NOTUM: variants seen among roughly 807,000 people sequenced by gnomAD.
NOTUM encodes the protein palmitoleoyl-protein carboxylesterase NOTUM.
NOTUM carries 36 observed loss-of-function variants against 65.5 expected under a neutral mutation model. The observed-to-expected ratio is 0.55, with a 90% CI of 0.42 to 0.73. The LOEUF (loss-of-function observed/expected upper bound fraction) is 0.73, where lower values mean the gene tolerates loss of function less well. NOTUM is among the 30% of genes least tolerant of loss of function. The pLI is 0.00. For synonymous variants in NOTUM, 356 were observed against 297.9 expected (o/e 1.20, Z -2.01); for missense variants, 659 against 694.2 (o/e 0.95, Z 0.57).
Position 81,955,460 on chromosome 17 carries a change from T to G in NOTUM, c.1073A>C (p.Glu358Ala), listed in dbSNP as rs201140969. The change falls in exon 9 of 11, where the codon GAG becomes GCG. Residue 358 changes from glutamate (E) to alanine (A), a missense_variant. Transcript: ENST00000409678. ...NVHLTGQPVQ[E>A]GLRLYIQNLG... is the part of the protein sequence containing the mutation. ...GTTCTGGATGTACAGCCGCAGGCCC[T>G]CCTGCACCGGCTGCCCCGTCAGGTG... The G allele has an allele frequency of 1.3e-5, 21 of 1,608,114 alleles. No homozygotes were observed. In the East Asian group the frequency reaches 3.4e-4, roughly 26 times the overall value.
At position 81,955,343 on chromosome 17, in the gene NOTUM, T is replaced by G. The variant is rs972532571; in HGVS notation, c.1136+54A>C. The G allele has an allele frequency of 4.8e-6, 7 of 1,460,802 alleles. No individual in the cohort carries two copies. In the African/African-American group the frequency reaches 8.6e-5, roughly 18 times the overall value. 90.5% of individuals were successfully genotyped at this position (1,460,802 alleles called of 1,614,324 possible). A position where few individuals can be genotyped will look rare whatever the true frequency, so the allele number is the denominator to read the frequency against. On this transcript the variant is annotated intron_variant, in intron 9 of 10. Transcript: ENST00000409678. ...CTTTTGTTTTCTCAGGACCTCTATT[T>G]TTAAATAAGGAGGGAGCTACCCGGC...
Position 81,957,814 on chromosome 17 carries a change from G to C in NOTUM, c.687C>G (p.Ala229=), listed in dbSNP as rs745986713. 3.7e-6 allele frequency: 6 copies of C among 1,601,868 alleles called. No homozygotes were observed. Among genetic ancestry groups the C allele is most frequent in the Non-Finnish European group, 5.1e-6 (6 of 1,174,654 alleles). ...TGCCCCGCCCTGCCCACCTGCTCCC[G>C]GCCAGCAGCAGCACCTTGGCCCCGC... ...GLSGAKVLLL[A]GSSAGGTGVL... The change falls in exon 6 of 11, where the codon GCC becomes GCG. Residue 229 remains alanine (A), a synonymous_variant. Coordinates refer to ENST00000409678, the MANE Select transcript of NOTUM (RefSeq NM_178493.6).
chr17:81,953,929 C>T (rs1214008882), intron 10 of NOTUM, among the ~76,000 whole-genome samples: 2 of 151,978 alleles, frequency 1.3e-5, no homozygotes, highest in Non-Finnish European at 2.9e-5. Context: ...TACAGGCACC[C>T]GCCACCACGC....
chr17:81,953,330 G>GTTT, intron 10 of NOTUM, 63 bp from the exon 11 acceptor site: 14 of 858,640 alleles, frequency 1.6e-5, no homozygotes, highest in Non-Finnish European at 2.0e-5. Flanking sequence ...TGAGGCAGCT[G>GTTT]TTTTTTTTTT....
chr17:81,957,591 G>A (rs1287952590), intron 6 of NOTUM, among the ~76,000 whole-genome samples: 8 of 152,070 alleles, frequency 5.3e-5, no homozygotes, highest in Admixed American at 4.6e-4. Context: ...TCTGGACAGT[G>A]TCTGGTTACC....
chr17:81,957,779 C>T (rs778741897), intron 6 of NOTUM, 27 bp downstream of exon 6: 10 of 1,534,574 alleles, frequency 6.5e-6, no homozygotes, highest in South Asian at 4.7e-5. Flanking sequence ...TCACCCCTCA[C>T]CTCCAGCCCT....
Position 81,955,466 on chromosome 17 carries a change from A to G in NOTUM, c.1067T>C (p.Val356Ala). 1.2e-6 allele frequency: 2 copies of G among 1,609,492 alleles called. No individual in the cohort carries two copies. Among genetic ancestry groups the G allele is most frequent in the Non-Finnish European group, 1.7e-6 (2 of 1,178,768 alleles). ...VDNVHLTGQP[V>A]QEGLRLYIQN... is the part of the protein sequence containing the mutation. Reference sequence around the variant, plus strand: ...GATGTACAGCCGCAGGCCCTCCTGCACCGGCTGCCCCGTCAGGTGCACGTT... The same window carrying G: ...GATGTACAGCCGCAGGCCCTCCTGCGCCGGCTGCCCCGTCAGGTGCACGTT... The change falls in exon 9 of 11, where the codon GTG becomes GCG. Residue 356 changes from valine (V) to alanine (A), a missense_variant. By Grantham distance (64) the Val-to-Ala change is moderately conservative. Coordinates refer to ENST00000409678, the MANE Select transcript of NOTUM (RefSeq NM_178493.6).
chr17:81,957,290 A>T (rs2041440683), intron 6 of NOTUM, among the ~76,000 whole-genome samples: 1 of 152,130 alleles, frequency 6.6e-6, no homozygotes, highest in African/African-American at 2.4e-5. Flanking sequence ...TTTCCCTGAC[A>T]CAGCCAGGCT....
Position 81,955,428 on chromosome 17 carries a change from G to A in NOTUM, c.1105C>T (p.Arg369Cys), listed in dbSNP as rs764724816. Residue 369 changes from arginine to cysteine, a missense_variant, in exon 9 of 11, where the codon CGC becomes TGC. By Grantham distance (180) the Arg-to-Cys change is radical. Transcript: ENST00000409678. ...TCCTTGAGTGTGTGGCGCAGCTCGC[G>A]GCCGAGGTTCTGGATGTACAGCCGC... Reference protein sequence around the residue: ...GLRLYIQNLGRELRHTLKDVP... With the variant: ...GLRLYIQNLGCELRHTLKDVP... The A allele has an allele frequency of 5.6e-6, 9 of 1,595,586 alleles. No homozygotes were observed. The highest frequency in any genetic ancestry group is 2.7e-5 in the African/African-American group (2 of 74,442).
rs991721728 is a variant in NOTUM, at chr17:81,960,479, C to T, written c.323+108G>A. On this transcript the variant is annotated intron_variant, in intron 1 of 10. Coordinates refer to ENST00000409678, the MANE Select transcript of NOTUM (RefSeq NM_178493.6). The surrounding 1 kb of genome is among the most constrained non-coding windows in gnomAD (Gnocchi z 6.4). ...GGGGCCAGGACCGCGGGGCGCCCGA[C>T]GGAAGCCCTTTCTCCCCGGGGAGAG... 5.4e-5 allele frequency: 42 copies of T among 773,952 alleles called. No homozygotes were observed. Among genetic ancestry groups the T allele is most frequent in the Non-Finnish European group, 8.1e-5 (42 of 518,326 alleles). The allele number at this position is 773,952 out of a possible 1,614,324, so 47.9% of individuals were successfully genotyped here.
At position 81,959,703 on chromosome 17, in the gene NOTUM, G is replaced by C; in HGVS notation, c.324-11C>G. On this transcript the variant is annotated splice_polypyrimidine_tract_variant and intron_variant, in intron 1 of 10. Transcript: ENST00000409678. ...TCCTTCAGGTAGTAGCTGCGGGGGA[G>C]GACGCACCGCGGGGGGTCGGCCAGG... 1 of 1,465,690 alleles carries C rather than the reference G, an allele frequency of 6.8e-7. No individual in the cohort carries two copies. Among genetic ancestry groups the C allele is most frequent in the Non-Finnish European group, 9.0e-7 (1 of 1,105,920 alleles). 90.8% of individuals were successfully genotyped at this position (1,465,690 alleles called of 1,614,324 possible).
chr17:81,953,615 G>GT (rs1212514916), intron 10 of NOTUM, among the ~76,000 whole-genome samples: 3 of 151,278 alleles, frequency 2.0e-5, no homozygotes, highest in Non-Finnish European at 4.4e-5. Flanking sequence ...GTTTTGTTTT[G>GT]TTTTTTGAGA....
chr17:81,952,870 G>T lies in NOTUM; in HGVS notation c.*91C>A. On this transcript the variant is annotated 3_prime_UTR_variant, in exon 11 of 11. Transcript: ENST00000409678. ...GACGGCTGGGGCCCTGTCCCGAAGA[G>T]ACGGGAGGGCCTGCTGGTGGGGGGT... 8.5e-7 allele frequency: 1 copy of T among 1,178,050 alleles called. No individual in the cohort carries two copies. Among genetic ancestry groups the T allele is most frequent in the Non-Finnish European group, 1.2e-6 (1 of 809,010 alleles). 73.0% of individuals were successfully genotyped at this position (1,178,050 alleles called of 1,614,324 possible).
At chr17:81,958,116 G>A (rs969474080) in intron 5 of NOTUM, among the ~76,000 whole-genome samples, 7 of 152,110 alleles carry the variant, frequency 4.6e-5, no homozygotes, top group African/African-American at 1.7e-4. Context: ...CAGAAATAAG[G>A]ACCTCCTACA....
chr17:81,960,470 G>A lies in NOTUM; in HGVS notation c.323+117C>T. 1 of 701,520 alleles carries A rather than the reference G, an allele frequency of 1.4e-6. No homozygotes were observed. Among genetic ancestry groups the A allele is most frequent in the South Asian group, 2.2e-5 (1 of 45,004 alleles). 43.5% of individuals were successfully genotyped at this position (701,520 alleles called of 1,614,324 possible). A position where few individuals can be genotyped will look rare whatever the true frequency, so the allele number is the denominator to read the frequency against. ...GCACTCCTCGGGGCCAGGACCGCGG[G>A]GCGCCCGACGGAAGCCCTTTCTCCC... is the stretch of plus-strand genomic sequence containing the variant. On this transcript the variant is annotated intron_variant, in intron 1 of 10. Transcript: ENST00000409678. The surrounding 1 kb of genome is among the most constrained non-coding windows in gnomAD (Gnocchi z 6.4).
In NOTUM at chr17:81,959,697, G is replaced by T; in HGVS notation, c.324-5C>A. Reference sequence around the variant, plus strand: ...CTGGACTCCTTCAGGTAGTAGCTGCGGGGGAGGACGCACCGCGGGGGGTCG... The same window carrying T: ...CTGGACTCCTTCAGGTAGTAGCTGCTGGGGAGGACGCACCGCGGGGGGTCG... On this transcript the variant is annotated splice_region_variant and splice_polypyrimidine_tract_variant and intron_variant, in intron 1 of 10. Coordinates refer to ENST00000409678, the MANE Select transcript of NOTUM (RefSeq NM_178493.6). 23 of 1,472,234 alleles carry T rather than the reference G, an allele frequency of 1.6e-5. No homozygotes were observed. Among genetic ancestry groups the T allele is most frequent in the Non-Finnish European group, 2.0e-5 (22 of 1,110,488 alleles). The allele number at this position is 1,472,234 out of a possible 1,614,324, so 91.2% of individuals were successfully genotyped here. A position where few individuals can be genotyped will look rare whatever the true frequency, so the allele number is the denominator to read the frequency against.
intron 8 of NOTUM, among the ~76,000 whole-genome samples, chr17:81,955,951 C>T (rs1270589737): frequency 6.7e-6 from 1 of 148,818 alleles, no homozygotes; most frequent in African/African-American, 2.5e-5. Flanking sequence ...TCAGCACCCT[C>T]CCAGGCCCCC....
chr17:81,958,626 C>T (rs1192403411), intron 4 of NOTUM, among the ~76,000 whole-genome samples: 1 of 151,150 alleles, frequency 6.6e-6, no homozygotes. Context: ...ACAGGACCCC[C>T]CAGGAAAGAA....
At chr17:81,958,230 C>CCCCTGCCGTCCCGCCTCATCCCTG (rs1233228137) in intron 5 of NOTUM, 105 bp downstream of exon 5, 29 of 773,048 alleles carry the variant, frequency 3.8e-5, no homozygotes, top group Middle Eastern at 2.6e-4. Flanking sequence ...TTCCCCAGAA[C>CCCCTGCCGTCCCGCCTCATCCCTG]CCCTGCCGTC....
Sources: allele counts gnomAD v4.1 joint callset (sites outside exome capture counted in the v4.1 genomes callset), GRCh38; gene constraint gnomAD v4.1.1; non-coding constraint Gnocchi (gnomAD v3.1); transcripts MANE v1.5; gene names NCBI Gene and HGNC (gene_info 2026-07-23, HGNC 2026-07-21).